The following TEX9 variants were observed in gnomAD, a reference collection of about 807,000 sequenced individuals.
TEX9 encodes the protein testis expressed 9, also known as testis-expressed protein 9.
A neutral mutation model predicts 59.6 loss-of-function variants in TEX9; 74 were observed. The observed-to-expected ratio is 1.24, with a 90% confidence interval of 1.03 to 1.51. The LOEUF is 1.51. Ranked by LOEUF, TEX9 falls within the 40% of genes most tolerant of loss-of-function variation. The probability of loss-of-function intolerance (pLI) is 0.00; values close to 1 mark genes in which losing one functional copy is unlikely to be tolerated. For synonymous variants in TEX9, 186 were observed against 152.2 expected (o/e 1.22, Z -1.64); for missense variants, 522 against 447.8 (o/e 1.17, Z -1.49).
chr15:56,326,350 C>T (rs188240468), intron 1 of TEX9, among the ~76,000 whole-genome samples: 40 of 152,106 alleles, frequency 2.6e-4, no homozygotes, highest in Admixed American at 2.1e-3. Flanking sequence ...AGCTTCAAAA[C>T]GAAAACTTGT....
intron 3 of TEX9, among the ~76,000 whole-genome samples, chr15:56,378,309 A>T (rs2047555960): frequency 6.6e-6 from 1 of 152,072 alleles, no homozygotes; most frequent in Non-Finnish European, 1.5e-5. Flanking sequence ...GTTCTTCTTT[A>T]AATGTTCGAT....
chr15:56,458,560 C>CATAATGTT, the TEX9 span, among the ~76,000 whole-genome samples: 1 of 151,982 alleles, frequency 6.6e-6, no homozygotes, highest in Non-Finnish European at 1.5e-5. Context: ...ATGTATCTAC[C>CATAATGTT]GTACACAATC....
At chr15:56,300,708 GGAGA>G (rs60361737) in intron 1 of TEX9, among the ~76,000 whole-genome samples, 31,553 of 101,022 alleles carry the variant, frequency 0.31, 4,643 homozygotes, top group Non-Finnish European at 0.4. Context: ...AGAGAGAGAG[GGAGA>G]GAGAGAGAGA....
rs1010546406 is a variant in TEX9 at position 56,421,669 on chromosome 15, A to C, written c.964-5936A>C. The C allele has an allele frequency of 5.3e-5, 8 of 151,570 alleles. No individual in the cohort carries two copies. The South Asian group carries it at 8.3e-4, about 16-fold the overall frequency. The allele number at this position is 151,570 out of a possible 1,614,324, so 9.4% of individuals were successfully genotyped here. On this transcript the variant is annotated intron_variant, in intron 10 of 12. Coordinates refer to ENST00000352903, the Ensembl canonical transcript of TEX9. ...GTGTGATGTTCCCCTTCCTGTGTCC[A>C]TGTGTTCTCATTATTCAATTCCCAC...
chr15:56,312,047 C>T (rs2045634715), intron 1 of TEX9, among the ~76,000 whole-genome samples: 1 of 151,588 alleles, frequency 6.6e-6, no homozygotes, highest in South Asian at 2.1e-4. Context: ...GATATTAGCC[C>T]TTTGTCAGAT....
intron 1 of TEX9, among the ~76,000 whole-genome samples, chr15:56,297,295 G>A (rs960585109): frequency 1.3e-5 from 2 of 152,156 alleles, no homozygotes; most frequent in African/African-American, 2.4e-5. Flanking sequence ...CGTCTCTTAA[G>A]TACTGGTAAG....
chr15:56,258,626 A>C (rs1466444593), intron 1 of TEX9, among the ~76,000 whole-genome samples: 2 of 151,886 alleles, frequency 1.3e-5, no homozygotes. Flanking sequence ...CGATTTTTGC[A>C]CATTGATTTT....
At chr15:56,339,180 C>T (rs1422907575) in intron 1 of TEX9, among the ~76,000 whole-genome samples, 1 of 151,118 alleles carries the variant, frequency 6.6e-6, no homozygotes, top group Non-Finnish European at 1.5e-5. Flanking sequence ...GTCAGGAGTT[C>T]CAGACTAGCC....
intron 1 of TEX9, among the ~76,000 whole-genome samples, chr15:56,273,860 A>G (rs1164181834): frequency 1.3e-5 from 2 of 152,150 alleles, no homozygotes; most frequent in Non-Finnish European, 2.9e-5. Flanking sequence ...CTCTAAGATT[A>G]TCCCTTTATC....
At chr15:56,249,197 C>T (rs2682049) in intron 1 of TEX9, 60,944 of 151,846 alleles carry the variant, frequency 0.4, 12,336 homozygotes, top group East Asian at 0.45. Context: ...TTTTCCCTCC[C>T]TTCCATTCCA....
intron 1 of TEX9, among the ~76,000 whole-genome samples, chr15:56,329,387 C>T (rs1331772549): frequency 6.6e-6 from 1 of 152,106 alleles, no homozygotes; most frequent in Non-Finnish European, 1.5e-5. Context: ...TGATGAACAT[C>T]AACAAACATC....
chr15:56,402,575 C>T (rs2048850757), intron 9 of TEX9, among the ~76,000 whole-genome samples: 1 of 152,202 alleles, frequency 6.6e-6, no homozygotes, highest in Non-Finnish European at 1.5e-5. Context: ...GGAGCTGGAA[C>T]CATTCCTTCT....
intron 12 of TEX9, chr15:56,434,451 A>G (rs2050684084): frequency 1.3e-6 from 2 of 1,514,138 alleles, no homozygotes; most frequent in South Asian, 1.2e-5. Flanking sequence ...CCAGATTTAT[A>G]AGGAAAGAGT....
intron 1 of TEX9, among the ~76,000 whole-genome samples, chr15:56,295,755 C>T (rs2045203372): frequency 6.6e-6 from 1 of 152,168 alleles, no homozygotes; most frequent in African/African-American, 2.4e-5. Flanking sequence ...CTGCTCATTC[C>T]TCTGTGTTAT....
chr15:56,458,785 CTCATT>C, the TEX9 span, among the ~76,000 whole-genome samples: 2,001 of 152,242 alleles, frequency 0.013, 39 homozygotes, highest in African/African-American at 0.039. Context: ...GGCTTCATAG[CTCATT>C]TCATTTTGGC....
At chr15:56,316,653 C>T (rs1302952790) in intron 1 of TEX9, among the ~76,000 whole-genome samples, 1 of 152,174 alleles carries the variant, frequency 6.6e-6, no homozygotes. Flanking sequence ...GCAGGCAGGC[C>T]TCCTTGAGCT....
At chr15:56,268,627 G>T (rs2718936) in intron 1 of TEX9, among the ~76,000 whole-genome samples, 70,878 of 151,690 alleles carry the variant, frequency 0.47, 17,069 homozygotes, top group East Asian at 0.81. Context: ...TGGATTACTT[G>T]TATTGATTTG....
chr15:56,337,807 A>T (rs778366590), intron 1 of TEX9, among the ~76,000 whole-genome samples: 33 of 152,214 alleles, frequency 2.2e-4, no homozygotes, highest in Non-Finnish European at 4.3e-4. Context: ...TTCTTCCTAT[A>T]TAAGCAAGAC....
intron 10 of TEX9, among the ~76,000 whole-genome samples, chr15:56,413,078 A>G (rs2049443608): frequency 6.6e-6 from 1 of 151,896 alleles, no homozygotes. Context: ...ACCAATGTTC[A>G]TGAAACCCCT....
Sources: gnomAD v4.1 joint callset for allele counts (sites outside exome capture counted in the v4.1 genomes callset) on GRCh38, gnomAD v4.1.1 for gene constraint, MANE v1.5 for transcripts, NCBI Gene and HGNC (gene_info 2026-07-23, HGNC 2026-07-21) for gene names.